The following NKAIN2 variants were observed in gnomAD, a reference collection of about 807,000 sequenced individuals.
NKAIN2 encodes the protein sodium/potassium-transporting ATPase subunit beta-1-interacting protein 2.
NKAIN2 carries 14 observed loss-of-function variants against 32.6 expected under a neutral mutation model. The ratio of observed to expected loss-of-function variants is 0.43; its 90% confidence interval spans 0.28 to 0.67. The LOEUF (loss-of-function observed/expected upper bound fraction) is 0.67. Among genes scored for constraint, NKAIN2 ranks in the 30% least tolerant of loss-of-function variants. The pLI, the probability that NKAIN2 is intolerant of heterozygous loss-of-function variation, is 0.17. For synonymous variants in NKAIN2, 80 were observed against 87.2 expected, an observed-to-expected ratio of 0.92 and a Z score of 0.46; for missense variants, 198 against 258.3, an observed-to-expected ratio of 0.77 and a Z score of 1.60.
intron 3 of NKAIN2, among the ~76,000 whole-genome samples, chr6:124,573,672 C>A (rs905572201): frequency 1.3e-5 from 2 of 152,282 alleles, no homozygotes; most frequent in African/African-American, 4.8e-5. Context: ...GCAGCCCCCA[C>A]TTTCAGATCT....
intron 1 of NKAIN2, among the ~76,000 whole-genome samples, chr6:124,139,027 C>G (rs953141172): frequency 1.4e-5 from 2 of 147,992 alleles, no homozygotes; most frequent in Non-Finnish European, 3.0e-5. Context: ...CACTAAAGAA[C>G]TTATTCATGT....
At chr6:124,074,889 C>G (rs962944932) in intron 1 of NKAIN2, among the ~76,000 whole-genome samples, 2 of 152,048 alleles carry the variant, frequency 1.3e-5, no homozygotes, top group African/African-American at 4.8e-5. Context: ...CCCCCATTTC[C>G]CCATGAAATC....
At chr6:124,121,946 G>T (rs1328964872) in intron 1 of NKAIN2, 1 of 1,134,348 alleles carries the variant, frequency 8.8e-7, no homozygotes, top group East Asian at 5.8e-5. Context: ...TTAACCGTGA[G>T]TTTTTCAGAG....
chr6:124,465,683 T>A (rs1000201045), intron 3 of NKAIN2, among the ~76,000 whole-genome samples: 2 of 151,566 alleles, frequency 1.3e-5, no homozygotes, highest in Admixed American at 1.3e-4. Flanking sequence ...TTTCTTTGTC[T>A]ATGTAAGATT....
chr6:123,944,832 G>A (rs978457989), intron 1 of NKAIN2, among the ~76,000 whole-genome samples: 2 of 151,678 alleles, frequency 1.3e-5, no homozygotes, highest in African/African-American at 2.4e-5. Context: ...AACTTCTTAG[G>A]TTAAGGTCAT....
intron 3 of NKAIN2, among the ~76,000 whole-genome samples, chr6:124,601,169 A>G (rs1782291893): frequency 6.6e-6 from 1 of 152,090 alleles, no homozygotes; most frequent in Admixed American, 6.6e-5. Flanking sequence ...CATGAGGTAG[A>G]TCCAGTTGAA....
intron 1 of NKAIN2, among the ~76,000 whole-genome samples, chr6:123,911,733 T>C (rs1775185553): frequency 6.7e-6 from 1 of 148,758 alleles, no homozygotes; most frequent in African/African-American, 2.5e-5. Flanking sequence ...GCAATAAGTA[T>C]TGTCTTACAT....
At chr6:124,773,228 T>G (rs1778838618) in intron 4 of NKAIN2, among the ~76,000 whole-genome samples, 1 of 152,040 alleles carries the variant, frequency 6.6e-6, no homozygotes, top group Admixed American at 6.6e-5. Flanking sequence ...TCGCTCTGGA[T>G]TGTGGAATAA....
rs145652466 is a variant in NKAIN2 at position 123,951,044 on chromosome 6, T to C, written c.54+146790T>C. 4.7e-3 allele frequency among the ~76,000 whole-genome samples: 710 copies of C among 152,170 alleles called. 1 individual carries two copies. The highest frequency in any genetic ancestry group is 0.016 in the African/African-American group (678 of 41,566). On this transcript the variant is annotated intron_variant, in intron 1 of 6. Transcript: ENST00000368417. ...CCAGTGGTCATTTAGGAGCATGTTG[T>C]TTAACTTCCATCTATTTATACAATT...
chr6:124,020,857 G>A (rs1780830123), intron 1 of NKAIN2, among the ~76,000 whole-genome samples: 1 of 152,000 alleles, frequency 6.6e-6, no homozygotes, highest in South Asian at 2.1e-4. Flanking sequence ...TAAACTTAAA[G>A]AAGACATAAA....
At chr6:124,033,359 C>T (rs975538123) in intron 1 of NKAIN2, among the ~76,000 whole-genome samples, 1 of 151,954 alleles carries the variant, frequency 6.6e-6, no homozygotes, top group South Asian at 2.1e-4. Flanking sequence ...TCATTTTGCC[C>T]TCTTCTTACT....
intron 1 of NKAIN2, among the ~76,000 whole-genome samples, chr6:124,052,441 A>G (rs1396000850): frequency 1.3e-5 from 2 of 152,078 alleles, no homozygotes; most frequent in African/African-American, 2.4e-5. Flanking sequence ...TCCTGATGAT[A>G]TTAACCAAAC....
chr6:124,461,022 A>G (rs901614778), intron 3 of NKAIN2, among the ~76,000 whole-genome samples: 1 of 151,686 alleles, frequency 6.6e-6, no homozygotes, highest in Non-Finnish European at 1.5e-5. Context: ...TTTAACATAT[A>G]TAGGTATTGG....
rs369662262 is a variant in NKAIN2 at position 124,589,114 on chromosome 6, C to T, written c.274-69072C>T. On this transcript the variant is annotated intron_variant, in intron 3 of 6. Transcript: ENST00000368417. ...TATACTTATATAGTTACATATAGTA[C>T]GCTAACATTTTATAAATCAATATGA... is the stretch of plus-strand genomic sequence containing the variant. Among the ~76,000 whole-genome samples, 16 of 152,076 alleles carry T rather than the reference C, an allele frequency of 1.1e-4. No individual in the cohort carries two copies. In the East Asian group the frequency reaches 1.9e-3, roughly 18 times the overall value.
chr6:124,353,122 T>A (rs990993058), intron 2 of NKAIN2, among the ~76,000 whole-genome samples: 1 of 152,144 alleles, frequency 6.6e-6, no homozygotes, highest in African/African-American at 2.4e-5. Context: ...AAATAATGAT[T>A]TTCTCCATAT....
intron 3 of NKAIN2, among the ~76,000 whole-genome samples, chr6:124,489,046 T>C (rs1343492126): frequency 6.6e-6 from 1 of 151,968 alleles, no homozygotes; most frequent in African/African-American, 2.4e-5. Context: ...TCTTGAAAGT[T>C]AGAGCTACAG....
chr6:124,143,956 T>C (rs971462892), intron 1 of NKAIN2, among the ~76,000 whole-genome samples: 1 of 152,166 alleles, frequency 6.6e-6, no homozygotes, highest in Non-Finnish European at 1.5e-5. Flanking sequence ...AAAAATTACA[T>C]CTTCACAAAG....
intron 1 of NKAIN2, among the ~76,000 whole-genome samples, chr6:124,235,960 A>T (rs1792736439): frequency 6.6e-6 from 1 of 151,844 alleles, no homozygotes; most frequent in Admixed American, 6.6e-5. Flanking sequence ...GTTCTGTGCC[A>T]TTATAATGCA....
At chr6:124,712,684 G>T (rs922374887) in intron 4 of NKAIN2, among the ~76,000 whole-genome samples, 1 of 151,528 alleles carries the variant, frequency 6.6e-6, no homozygotes, top group African/African-American at 2.4e-5. Context: ...GCTCGTGCAC[G>T]GTGTGCGCAC....
Sources: allele counts gnomAD v4.1 joint callset (sites outside exome capture counted in the v4.1 genomes callset), GRCh38; gene constraint gnomAD v4.1.1; transcripts MANE v1.5; gene names NCBI Gene and HGNC (gene_info 2026-07-23, HGNC 2026-07-21).